ARL15: variants seen among roughly 807,000 people sequenced by gnomAD.
ARL15 encodes ARF like GTPase 15.
Under a neutral mutation model 25.2 loss-of-function variants are expected in ARL15, and 19 were observed. The observed-to-expected ratio is 0.75, with a 90% CI of 0.53 to 1.10. The LOEUF is 1.10. Ranked by LOEUF, ARL15 falls within the 50% of genes least tolerant of loss-of-function variation. The pLI is 0.00. For missense variants in ARL15, 220 were observed against 246.0 expected (o/e 0.89, Z 0.71); for synonymous variants, 94 against 86.8 (o/e 1.08, Z -0.46).
At chr5:54,166,237 C>A (rs1579865477) in intron 2 of ARL15, among the ~76,000 whole-genome samples, 1 of 151,988 alleles carries the variant, frequency 6.6e-6, no homozygotes, top group South Asian at 2.1e-4. Flanking sequence ...CTCTGTCACC[C>A]AGGTTGGAGT....
At chr5:53,906,926 A>G (rs993125695) in intron 4 of ARL15, among the ~76,000 whole-genome samples, 1 of 152,178 alleles carries the variant, frequency 6.6e-6, no homozygotes, top group East Asian at 1.9e-4. Context: ...TAAGAATTTC[A>G]CACTGAATAT....
chr5:54,149,647 C>G (rs985586440), intron 3 of ARL15, among the ~76,000 whole-genome samples: 5 of 152,036 alleles, frequency 3.3e-5, no homozygotes, highest in Admixed American at 3.3e-4. Flanking sequence ...GATAAGGGAA[C>G]AGAGATACAA....
At chr5:54,169,917 C>T (rs1361552421) in intron 2 of ARL15, among the ~76,000 whole-genome samples, 1 of 152,150 alleles carries the variant, frequency 6.6e-6, no homozygotes, top group African/African-American at 2.4e-5. Flanking sequence ...TCCTTTCCCT[C>T]ATCCTAAAAT....
At chr5:54,028,125 G>A (rs1246786776) in intron 4 of ARL15, among the ~76,000 whole-genome samples, 1 of 152,010 alleles carries the variant, frequency 6.6e-6, no homozygotes, top group African/African-American at 2.4e-5. Context: ...GTTTCACCAT[G>A]TTAGCCAGGA....
At chr5:54,076,410 G>C (rs1032147214) in intron 4 of ARL15, among the ~76,000 whole-genome samples, 9 of 149,234 alleles carry the variant, frequency 6.0e-5, no homozygotes, top group African/African-American at 2.2e-4. Flanking sequence ...GACAGAGCGA[G>C]ACTCCGTCTC....
chr5:53,891,107 C>T (rs144504556), intron 4 of ARL15, among the ~76,000 whole-genome samples: 1 of 152,272 alleles, frequency 6.6e-6, no homozygotes, highest in Non-Finnish European at 1.5e-5. Flanking sequence ...ACAAGTCTTT[C>T]CTTTTTAAAA....
chr5:54,197,548 G>A (rs571982217), intron 1 of ARL15, among the ~76,000 whole-genome samples: 136 of 152,154 alleles, frequency 8.9e-4, no homozygotes, highest in African/African-American at 3.2e-3. Flanking sequence ...CATTTTGGGG[G>A]GAAATGCAAG....
intron 1 of ARL15, among the ~76,000 whole-genome samples, chr5:54,246,721 CAT>C (rs1207847899): frequency 3.3e-5 from 5 of 151,810 alleles, no homozygotes; most frequent in South Asian, 4.2e-4. Context: ...CTTTTATTCA[CAT>C]GTTTTCATCA....
intron 3 of ARL15, among the ~76,000 whole-genome samples, chr5:54,131,860 G>A (rs112122269): frequency 4.0e-5 from 6 of 150,492 alleles, no homozygotes; most frequent in African/African-American, 1.5e-4. Context: ...CCGAGATCGC[G>A]CCACTGCACT....
Position 54,298,244 on chromosome 5 carries a change from C to T in ARL15, c.48+12188G>A, listed in dbSNP as rs113547957. On this transcript the variant is annotated intron_variant, in intron 1 of 4. Transcript: ENST00000504924. Reference sequence around the variant, plus strand: ...AAAACCCTAACCCTTACCAATCTAACGGCCCACCTTCTTAAAACTACATCT... The same window carrying T: ...AAAACCCTAACCCTTACCAATCTAATGGCCCACCTTCTTAAAACTACATCT... 2.8e-3 allele frequency among the ~76,000 whole-genome samples: 430 copies of T among 152,252 alleles called. 4 individuals are homozygous for T. The highest frequency in any genetic ancestry group is 9.6e-3 in the African/African-American group (399 of 41,540).
chr5:53,930,592 C>T (rs702620), intron 4 of ARL15, among the ~76,000 whole-genome samples: 110,631 of 151,964 alleles, frequency 0.73, 40,525 homozygotes, highest in Non-Finnish European at 0.78. Flanking sequence ...CATTTCAAAG[C>T]GAAGTCATTA....
chr5:53,895,826 C>T (rs1180168482), intron 4 of ARL15, among the ~76,000 whole-genome samples: 3 of 151,988 alleles, frequency 2.0e-5, no homozygotes, highest in African/African-American at 4.8e-5. Flanking sequence ...TCTTTTTAAG[C>T]ATTTCAACTG....
Position 54,295,144 on chromosome 5 carries a change from T to C in ARL15, c.48+15288A>G, listed in dbSNP as rs188084812. Among the ~76,000 whole-genome samples, 983 of 152,366 alleles carry C rather than the reference T, an allele frequency of 6.5e-3. 4 individuals carry two copies. The highest frequency in any genetic ancestry group is 0.011 in the Non-Finnish European group (761 of 68,034). On this transcript the variant is annotated intron_variant, in intron 1 of 4. Coordinates refer to ENST00000504924, the MANE Select transcript of ARL15 (RefSeq NM_019087.3). Reference sequence around the variant, plus strand: ...GAATCTGATGTGAAGAATTTTAGAATTAGCAATGCAAGATCTTTCTCAACA... The same window carrying C: ...GAATCTGATGTGAAGAATTTTAGAACTAGCAATGCAAGATCTTTCTCAACA...
In ARL15 at chr5:54,196,088, C is replaced by G. The variant is rs998938264; in HGVS notation, c.49-24160G>C. Among the ~76,000 whole-genome samples, 7 of 152,056 alleles carry G rather than the reference C, an allele frequency of 4.6e-5. No homozygotes were observed. The South Asian group carries it at 8.3e-4, about 18-fold the overall frequency. On this transcript the variant is annotated intron_variant, in intron 1 of 4. Transcript: ENST00000504924. ...CATAGAATTCTATTGTATGGCTACCCCAAAATTTATCAGTCTCCATTTGGT... is the reference window on the plus strand; with the variant it reads ...CATAGAATTCTATTGTATGGCTACCGCAAAATTTATCAGTCTCCATTTGGT...
chr5:53,938,651 C>T (rs773058431), intron 4 of ARL15, among the ~76,000 whole-genome samples: 6 of 152,162 alleles, frequency 3.9e-5, no homozygotes, highest in Non-Finnish European at 8.8e-5. Flanking sequence ...CATGGCAAAA[C>T]CCTGTCTCTA....
At chr5:54,258,668 T>C (rs554967462) in intron 1 of ARL15, among the ~76,000 whole-genome samples, 92 of 152,228 alleles carry the variant, frequency 6.0e-4, no homozygotes, top group Non-Finnish European at 9.0e-4. Context: ...CCAATGCAGC[T>C]CAACATCCTC....
At chr5:53,943,806 G>A (rs559989567) in intron 4 of ARL15, among the ~76,000 whole-genome samples, 7 of 152,272 alleles carry the variant, frequency 4.6e-5, no homozygotes, top group Non-Finnish European at 8.8e-5. Flanking sequence ...AGACAGCCAT[G>A]GGAAGAAGAG....
intron 4 of ARL15, among the ~76,000 whole-genome samples, chr5:53,979,676 G>C (rs1433079152): frequency 1.3e-5 from 2 of 152,126 alleles, no homozygotes; most frequent in African/African-American, 4.8e-5. Flanking sequence ...TGATTCTAAA[G>C]CCCCACTCCT....
intron 2 of ARL15, among the ~76,000 whole-genome samples, chr5:54,168,035 A>G (rs991098564): frequency 6.6e-6 from 1 of 152,180 alleles, no homozygotes; most frequent in African/African-American, 2.4e-5. Context: ...GAACTGTCTG[A>G]CCTATATTCC....
Sources: gnomAD v4.1 joint callset for allele counts (sites outside exome capture counted in the v4.1 genomes callset) on GRCh38, gnomAD v4.1.1 for gene constraint, MANE v1.5 for transcripts, NCBI Gene and HGNC (gene_info 2026-07-23, HGNC 2026-07-21) for gene names.